Variants in CADPS observed in about 807,000 individuals in gnomAD.
CADPS encodes calcium-dependent secretion activator 1.
Under a neutral mutation model 167.3 loss-of-function variants are expected in CADPS, and 57 were observed. That is an observed-to-expected ratio of 0.34 (90% CI 0.28 to 0.42). CADPS has a LOEUF of 0.42. Among genes scored for constraint, CADPS ranks in the 20% least tolerant of loss-of-function variants. CADPS has a pLI of 1.00. For missense variants in CADPS, 1,414 were observed against 1,738.1 expected (o/e 0.81, Z 3.32); for synonymous variants, 676 against 635.3 (o/e 1.06, Z -0.96).
chr3:62,676,761 G>C (rs1474513568), intron 3 of CADPS, among the ~76,000 whole-genome samples: 1 of 152,130 alleles, frequency 6.6e-6, no homozygotes, highest in Non-Finnish European at 1.5e-5. Context: ...GGCCCCTGCT[G>C]GTTTCTGACC....
chr3:62,866,901 A>T (rs796234620), intron 1 of CADPS, among the ~76,000 whole-genome samples: 1 of 152,072 alleles, frequency 6.6e-6, no homozygotes, highest in South Asian at 2.1e-4. Context: ...AGGGTCACAA[A>T]GTCAACATGT....
At chr3:62,495,673 A>G (rs909547350) in intron 18 of CADPS, among the ~76,000 whole-genome samples, 1 of 152,228 alleles carries the variant, frequency 6.6e-6, no homozygotes, top group Non-Finnish European at 1.5e-5. Context: ...GTACTCCTCT[A>G]TATACCACAA....
At chr3:62,541,766 G>C (rs1054121729) in intron 11 of CADPS, among the ~76,000 whole-genome samples, 1 of 151,906 alleles carries the variant, frequency 6.6e-6, no homozygotes, top group Non-Finnish European at 1.5e-5. Context: ...TGATATTTGG[G>C]TTCATTTCAT....
At chr3:62,779,740 G>T in intron 1 of CADPS, 1 of 359,562 alleles carries the variant, frequency 2.8e-6, no homozygotes, top group East Asian at 7.1e-5. Context: ...TAAGGTCCAA[G>T]GAAGATGTAG....
chr3:62,760,480 T>A (rs1292826085), intron 2 of CADPS, among the ~76,000 whole-genome samples: 1 of 152,012 alleles, frequency 6.6e-6, no homozygotes. Flanking sequence ...GCCTTGAACC[T>A]CTGGCCCCAA....
chr3:62,796,183 T>A (rs2093393930), intron 1 of CADPS: 1 of 152,148 alleles, frequency 6.6e-6, no homozygotes, highest in African/African-American at 2.4e-5. Flanking sequence ...ACAGGTGCAG[T>A]TCCATTATGA....
At chr3:62,566,816 T>G (rs912898110) in intron 9 of CADPS, among the ~76,000 whole-genome samples, 4 of 152,140 alleles carry the variant, frequency 2.6e-5, no homozygotes, top group African/African-American at 9.7e-5. Flanking sequence ...CAGATTTTTT[T>G]GGGGGGATGG....
At chr3:62,821,620 C>T (rs1436250720) in intron 1 of CADPS, among the ~76,000 whole-genome samples, 4 of 152,140 alleles carry the variant, frequency 2.6e-5, no homozygotes, top group Non-Finnish European at 5.9e-5. Flanking sequence ...AAATTTACCT[C>T]ATCTGATAAA....
At chr3:62,575,398 C>A (rs889828653) in intron 8 of CADPS, among the ~76,000 whole-genome samples, 2 of 152,088 alleles carry the variant, frequency 1.3e-5, no homozygotes, top group African/African-American at 4.8e-5. Flanking sequence ...CAAACTTGGG[C>A]AAATAAATTA....
At chr3:62,751,199 C>G (rs2082622578) in intron 3 of CADPS, among the ~76,000 whole-genome samples, 1 of 152,084 alleles carries the variant, frequency 6.6e-6, no homozygotes, top group Admixed American at 6.6e-5. Flanking sequence ...CCAATATTTT[C>G]TTTCTTTTAA....
At chr3:62,480,710 C>T (rs73842418) in intron 22 of CADPS, among the ~76,000 whole-genome samples, 14,849 of 152,108 alleles carry the variant, frequency 0.098, 1,761 homozygotes, top group African/African-American at 0.28. Flanking sequence ...CCTTTGAAAA[C>T]GTGCCAATTT....
chr3:62,545,563 C>T (rs1387188694), intron 11 of CADPS, among the ~76,000 whole-genome samples: 1 of 151,928 alleles, frequency 6.6e-6, no homozygotes, highest in East Asian at 1.9e-4. Flanking sequence ...GTTGGTGAAA[C>T]CCTCCCAAAA....
At chr3:62,570,238 T>A (rs1204346424) in intron 9 of CADPS, among the ~76,000 whole-genome samples, 4 of 143,984 alleles carry the variant, frequency 2.8e-5, no homozygotes, top group African/African-American at 2.6e-5. Context: ...TTGTTTCAGT[T>A]AAAAAAAAAA....
chr3:62,513,164 A>AT (rs937290331), intron 16 of CADPS, among the ~76,000 whole-genome samples: 3 of 152,032 alleles, frequency 2.0e-5, no homozygotes, highest in African/African-American at 4.8e-5. Flanking sequence ...ATAAGATCTA[A>AT]TTTTTACAGA....
intron 6 of CADPS, among the ~76,000 whole-genome samples, chr3:62,631,366 A>C (rs551711636): frequency 3.9e-5 from 6 of 152,208 alleles, no homozygotes; most frequent in Non-Finnish European, 8.8e-5. Flanking sequence ...AATTAGGAAG[A>C]AAGTAACAAA....
At chr3:62,868,712 T>A (rs2082133014) in intron 1 of CADPS, among the ~76,000 whole-genome samples, 1 of 152,160 alleles carries the variant, frequency 6.6e-6, no homozygotes, top group South Asian at 2.1e-4. Flanking sequence ...GAAATCTAAC[T>A]TCATCTCTAA....
chr3:62,870,003 C>T (rs962518642), intron 1 of CADPS, among the ~76,000 whole-genome samples: 6 of 152,092 alleles, frequency 3.9e-5, no homozygotes, highest in South Asian at 2.1e-4. Flanking sequence ...CTTTGTTCTT[C>T]GGTCCAGTTT....
intron 3 of CADPS, among the ~76,000 whole-genome samples, chr3:62,693,009 T>C (rs2079482332): frequency 7.1e-6 from 1 of 140,384 alleles, no homozygotes; most frequent in Non-Finnish European, 1.5e-5. Context: ...ACTGGTTGTT[T>C]TTTCTTCAAT....
intron 6 of CADPS, chr3:62,626,478 A>C: frequency 1.4e-6 from 1 of 702,056 alleles, no homozygotes; most frequent in Non-Finnish European, 2.6e-6. Context: ...TTCAAGCACA[A>C]ATCTTGTACC....
Sources: gnomAD v4.1 joint callset for allele counts (sites outside exome capture counted in the v4.1 genomes callset) on GRCh38, gnomAD v4.1.1 for gene constraint, MANE v1.5 for transcripts, NCBI Gene and HGNC (gene_info 2026-07-23, HGNC 2026-07-21) for gene names.